ANGPT1: variants seen among roughly 807,000 people sequenced by gnomAD.
The protein encoded by ANGPT1 is angiopoietin-1.
Under a neutral mutation model 62.2 loss-of-function variants are expected in ANGPT1, and 17 were observed. The ratio of observed to expected loss-of-function variants is 0.27; its 90% confidence interval spans 0.19 to 0.41. ANGPT1 has a LOEUF of 0.41. ANGPT1 is among the 10% of genes least tolerant of loss of function. The pLI, the probability that ANGPT1 is intolerant of heterozygous loss-of-function variation, is 1.00. For synonymous variants in ANGPT1, 199 were observed against 198.9 expected (o/e 1.00, Z 0.00); for missense variants, 478 against 594.9 (o/e 0.80, Z 2.04).
intron 5 of ANGPT1, among the ~76,000 whole-genome samples, chr8:107,298,908 C>G (rs1814485306): frequency 1.3e-5 from 2 of 151,846 alleles, no homozygotes; most frequent in East Asian, 1.9e-4. Flanking sequence ...GGGGTAGCAC[C>G]AAACTTCCTG....
At position 107,252,058 on chromosome 8, in the gene ANGPT1, A is replaced by G. The variant is rs534031077; in HGVS notation, c.1337-43T>C. 37 of 1,566,842 alleles carry G rather than the reference A, an allele frequency of 2.4e-5. No individual in the cohort carries two copies. In the South Asian group the frequency reaches 3.7e-4, roughly 16 times the overall value. On this transcript the variant is annotated intron_variant, in intron 8 of 8. Coordinates refer to ENST00000517746, the MANE Select transcript of ANGPT1 (RefSeq NM_001146.5). ...AATAGAAGAGAGAAGGAGAGGCAAC[A>G]ATTTTAAGTAAATGGAATATTTGGA...
intron 1 of ANGPT1, among the ~76,000 whole-genome samples, chr8:107,352,132 C>T (rs1815946244): frequency 6.6e-6 from 1 of 151,970 alleles, no homozygotes; most frequent in Non-Finnish European, 1.5e-5. Context: ...CATATTGTTA[C>T]CAATGTTAAA....
At chr8:107,296,123 A>G (rs964749824) in intron 5 of ANGPT1, among the ~76,000 whole-genome samples, 1 of 152,162 alleles carries the variant, frequency 6.6e-6, no homozygotes, top group African/African-American at 2.4e-5. Context: ...ATTTGTTAAT[A>G]GCATGAAGAC....
At chr8:107,334,529 G>A (rs1441973107) in intron 3 of ANGPT1, among the ~76,000 whole-genome samples, 6 of 150,200 alleles carry the variant, frequency 4.0e-5, no homozygotes, top group Non-Finnish European at 8.8e-5. Context: ...TAATTTTCCT[G>A]TGTGTTTTTT....
At chr8:107,421,186 T>G (rs1810886410) in intron 1 of ANGPT1, among the ~76,000 whole-genome samples, 1 of 152,192 alleles carries the variant, frequency 6.6e-6, no homozygotes, top group African/African-American at 2.4e-5. Context: ...CGGAAAACTT[T>G]AAAAATTCAT....
chr8:107,283,307 G>C (rs1362253119), intron 7 of ANGPT1, among the ~76,000 whole-genome samples: 1 of 151,782 alleles, frequency 6.6e-6, no homozygotes, highest in African/African-American at 2.4e-5. Flanking sequence ...TCTCTTCTTT[G>C]GTTTCTTGAG....
At chr8:107,280,021 G>A (rs1047035665) in intron 7 of ANGPT1, among the ~76,000 whole-genome samples, 3 of 151,954 alleles carry the variant, frequency 2.0e-5, no homozygotes, top group Admixed American at 2.0e-4. Flanking sequence ...GGAGATTCAG[G>A]GCTCACATGC....
chr8:107,425,753 A>G (rs1464488427), intron 1 of ANGPT1, among the ~76,000 whole-genome samples: 3 of 152,228 alleles, frequency 2.0e-5, no homozygotes, highest in Non-Finnish European at 1.5e-5. Flanking sequence ...CACAACTTGC[A>G]TAAGAAAGCC....
intron 1 of ANGPT1, among the ~76,000 whole-genome samples, chr8:107,485,831 C>T (rs548152553): frequency 5.3e-5 from 8 of 152,292 alleles, no homozygotes; most frequent in East Asian, 1.9e-4. Context: ...TTAGAATAGG[C>T]GGCTTCGCCC....
chr8:107,261,197 T>C (rs1813481819), intron 8 of ANGPT1, among the ~76,000 whole-genome samples: 2 of 152,070 alleles, frequency 1.3e-5, no homozygotes, highest in South Asian at 4.1e-4. Flanking sequence ...ACAATTTCAT[T>C]TATGAGATCA....
At chr8:107,450,852 G>A (rs552647963) in intron 1 of ANGPT1, among the ~76,000 whole-genome samples, 4 of 151,666 alleles carry the variant, frequency 2.6e-5, no homozygotes, top group South Asian at 2.1e-4. Context: ...CTCTGTGCTT[G>A]AAACTCTGCT....
At chr8:107,385,558 G>T (rs1217957005) in intron 1 of ANGPT1, among the ~76,000 whole-genome samples, 1 of 152,028 alleles carries the variant, frequency 6.6e-6, no homozygotes, top group Non-Finnish European at 1.5e-5. Flanking sequence ...TCTAGGTGTA[G>T]TATCATATCA....
chr8:107,458,920 C>T (rs1159177258), intron 1 of ANGPT1, among the ~76,000 whole-genome samples: 1 of 152,080 alleles, frequency 6.6e-6, no homozygotes, highest in Non-Finnish European at 1.5e-5. Flanking sequence ...AAGTAACTGA[C>T]AGAAAATCAC....
intron 1 of ANGPT1, among the ~76,000 whole-genome samples, chr8:107,406,764 T>G (rs1359018592): frequency 1.3e-5 from 2 of 151,790 alleles, no homozygotes; most frequent in East Asian, 3.9e-4. Flanking sequence ...GTTTTTAAAA[T>G]AAATTATGTA....
At chr8:107,488,922 G>C (rs999071207) in intron 1 of ANGPT1, among the ~76,000 whole-genome samples, 2 of 152,042 alleles carry the variant, frequency 1.3e-5, no homozygotes, top group South Asian at 4.2e-4. Flanking sequence ...CATCTTTAAG[G>C]GTTTAGAGAA....
rs2130136796 is a variant in ANGPT1, at chr8:107,284,823, T to C, written c.1064A>G (p.Tyr355Cys). 3 of 1,603,010 alleles carry C rather than the reference T, an allele frequency of 1.9e-6. No homozygotes were observed. The highest frequency in any genetic ancestry group is 1.7e-5 in the Admixed American group (1 of 59,808). The change falls in exon 7 of 9, where the codon TAT (tyrosine) becomes TGT (cysteine). Residue 355 changes from tyrosine (Y) to cysteine (C), a missense_variant. By Grantham distance (194) the Tyr-to-Cys change is radical (BLOSUM62 -2). This residue lies in a region of ANGPT1 where 81 missense variants were observed against 117.1 expected (regional missense o/e 0.69). Coordinates refer to ENST00000517746, the MANE Select transcript of ANGPT1 (RefSeq NM_001146.5). The part of the protein sequence containing the change: ...KMGFGNPSGE[Y>C]WLGNEFIFAI... Reference sequence around the variant, plus strand: ...AAAAATAAACTCATTCCCCAGCCAATATTCACCGGAGGGATTTCCAAAACC... The same window carrying C: ...AAAAATAAACTCATTCCCCAGCCAACATTCACCGGAGGGATTTCCAAAACC...
intron 1 of ANGPT1, among the ~76,000 whole-genome samples, chr8:107,459,304 C>A (rs1314031999): frequency 6.6e-6 from 1 of 152,112 alleles, no homozygotes; most frequent in Non-Finnish European, 1.5e-5. Flanking sequence ...AATCCTAGTA[C>A]TTTGGGAGAC....
chr8:107,332,065 A>G (rs1291220816), intron 3 of ANGPT1, among the ~76,000 whole-genome samples: 1 of 152,164 alleles, frequency 6.6e-6, no homozygotes, highest in Non-Finnish European at 1.5e-5. Flanking sequence ...ACCCAGTCAC[A>G]TATTTGGTTC....
At chr8:107,368,158 A>G (rs1236425431) in intron 1 of ANGPT1, among the ~76,000 whole-genome samples, 1 of 152,198 alleles carries the variant, frequency 6.6e-6, no homozygotes, top group Admixed American at 6.6e-5. Flanking sequence ...TCCTTCATCC[A>G]TGGGTTACAG....
Sources: gnomAD v4.1 joint callset for allele counts (sites outside exome capture counted in the v4.1 genomes callset) on GRCh38, gnomAD v4.1.1 for gene constraint, gnomAD v4.1.1 regional missense constraint, MANE v1.5 for transcripts, NCBI Gene and HGNC (gene_info 2026-07-23, HGNC 2026-07-21) for gene names.